The following SLC39A13 variants were observed in gnomAD, a reference collection of about 807,000 sequenced individuals.
SLC39A13 encodes solute carrier family 39 member 13.
Under a neutral mutation model 38.7 loss-of-function variants are expected in SLC39A13, and 18 were observed. The observed-to-expected ratio is 0.47, with a 90% confidence interval of 0.32 to 0.69. SLC39A13 has a LOEUF of 0.69. SLC39A13 is among the 30% of genes least tolerant of loss of function. SLC39A13 has a pLI of 0.03. For synonymous variants in SLC39A13, 212 were observed against 219.1 expected, an observed-to-expected ratio of 0.97 and a Z score of 0.29; for missense variants, 395 against 490.7, an observed-to-expected ratio of 0.80 and a Z score of 1.84.
chr11:47,411,815 CCCATATCCAG>C (rs1448414511), intron 2 of SLC39A13, 101 bp from the exon 3 acceptor site: 3 of 1,047,310 alleles, frequency 2.9e-6, no homozygotes, highest in South Asian at 1.4e-5. Context: ...AGAGCAGCCA[CCCATATCCAG>C]CCTTGCAGGC....
upstream of SLC39A13, chr11:47,408,478 C>T (rs917940149): frequency 1.3e-5 from 2 of 151,258 alleles, no homozygotes; most frequent in African/African-American, 2.4e-5. Flanking sequence ...GCCACTCCCC[C>T]CGACCCCGCG....
intron 1 of SLC39A13, 185 bp from the exon 2 acceptor site, chr11:47,409,902 G>T: frequency 1.5e-6 from 1 of 648,650 alleles, no homozygotes; most frequent in Non-Finnish European, 2.7e-6. Flanking sequence ...GTGCTCAGGA[G>T]TAGGGTGTGG....
upstream of SLC39A13, chr11:47,408,558 G>A (rs1478709875): frequency 2.7e-5 from 4 of 145,784 alleles, no homozygotes; most frequent in Non-Finnish European, 6.1e-5. Flanking sequence ...GCCCCGGGCC[G>A]GGGGCCGGGC....
rs568529293 is a variant in SLC39A13 at position 47,413,694 on chromosome 11, G to A, written c.735+8G>A. Reference sequence around the variant, plus strand: ...TTCCTTGTGAGCAAGAAGGTGAGGGGCTTGGGGCCAGTGGGGCTCTGGCGA... The same window carrying A: ...TTCCTTGTGAGCAAGAAGGTGAGGGACTTGGGGCCAGTGGGGCTCTGGCGA... On this transcript the variant is annotated splice_region_variant and intron_variant, in intron 6 of 9. Transcript: ENST00000362021. 8.1e-6 allele frequency: 13 copies of A among 1,613,568 alleles called. No homozygotes were observed. In the African/African-American group the frequency reaches 1.7e-4, roughly 22 times the overall value.
rs372236399 is a variant in SLC39A13 at position 47,413,465 on chromosome 11, G to A, written c.603G>A (p.Pro201=). 6.8e-6 allele frequency: 11 copies of A among 1,613,946 alleles called. No individual in the cohort carries two copies. The highest frequency in any genetic ancestry group is 1.1e-5 in the South Asian group (1 of 91,082). ...ALNGGHCLAQ[P]AAEPGLGAVV... is the part of the protein sequence containing the mutation. ...ATGGAGGCCACTGTCTGGCCCAGCCGGCTGCAGAGCCCGGCCTCGGTGCCG... is the reference window on the plus strand; with the variant it reads ...ATGGAGGCCACTGTCTGGCCCAGCCAGCTGCAGAGCCCGGCCTCGGTGCCG... Residue 201 remains proline, a synonymous_variant, in exon 5 of 10, where the codon CCG becomes CCA. Transcript: ENST00000362021.
chr11:47,410,432 G>T lies in SLC39A13; in HGVS notation c.301+37G>T, dbSNP rs763716316. The T allele has an allele frequency of 5.0e-6, 8 of 1,610,898 alleles. No individual in the cohort carries two copies. In the Admixed American group the frequency reaches 1.3e-4, roughly 27 times the overall value. ...TCCGGTGGCGCCCAGGGCTGGCCAG[G>T]GTGTGGGAAGCATGCTGCTGCTCTT... On this transcript the variant is annotated intron_variant, in intron 2 of 9. Transcript: ENST00000362021.
At position 47,416,161 on chromosome 11, in the gene SLC39A13, A is replaced by C. The variant is rs1253428710; in HGVS notation, c.*798A>C. On this transcript the variant is annotated 3_prime_UTR_variant, in exon 10 of 10. Coordinates refer to ENST00000362021, the MANE Select transcript of SLC39A13 (RefSeq NM_001128225.3). ...GGCCAGGGACTCCTGGAGCAGGCAC[A>C]TAGTGAGCCCGGGCAGCCCTGCCCA... 6.5e-6 allele frequency: 1 copy of C among 153,332 alleles called. No individual in the cohort carries two copies. Among genetic ancestry groups the C allele is most frequent in the Admixed American group, 6.5e-5 (1 of 15,348 alleles). The allele number at this position is 153,332 out of a possible 1,614,324, so 9.5% of individuals were successfully genotyped here.
intron 1 of SLC39A13, 180 bp from the exon 2 acceptor site, chr11:47,409,907 G>A: frequency 1.5e-6 from 1 of 662,914 alleles, no homozygotes; most frequent in East Asian, 2.6e-5. Flanking sequence ...CAGGAGTAGG[G>A]TGTGGAGACA....
At position 47,416,052 on chromosome 11, in the gene SLC39A13, C is replaced by G. The variant is rs1337818996; in HGVS notation, c.*689C>G. ...AGCAGCTCTTGCCACCTCCAGCTGC[C>G]AAACAGCAGCCTGCCGGGCAGGGAG... On this transcript the variant is annotated 3_prime_UTR_variant, in exon 10 of 10. Transcript: ENST00000362021. 1 of 155,446 alleles carries G rather than the reference C, an allele frequency of 6.4e-6. No individual in the cohort carries two copies. The highest frequency in any genetic ancestry group is 1.9e-4 in the East Asian group (1 of 5,240). The allele number at this position is 155,446 out of a possible 1,614,324, so 9.6% of individuals were successfully genotyped here.
At chr11:47,413,065 A>C (rs2096007871) in intron 4 of SLC39A13, among the ~76,000 whole-genome samples, 1 of 151,920 alleles carries the variant, frequency 6.6e-6, no homozygotes, top group Non-Finnish European at 1.5e-5. Context: ...TCTGTCACCC[A>C]GGCTGGAGTG....
rs1291377563 is a variant in SLC39A13 at position 47,410,364 on chromosome 11, C to T, written c.270C>T (p.Pro90=). ...GGGTCTTCCCGTTGCTTGTCATTCCCCTAGAGATGGGGACCATGCTGCGCT... is the reference window on the plus strand; with the variant it reads ...GGGTCTTCCCGTTGCTTGTCATTCCTCTAGAGATGGGGACCATGCTGCGCT... The part of the protein sequence containing the change: ...LSGVFPLLVI[P]LEMGTMLRSE... Residue 90 remains proline, a synonymous_variant, in exon 2 of 10, where the codon CCC becomes CCT. Transcript: ENST00000362021. 6.2e-7 allele frequency: 1 copy of T among 1,614,082 alleles called. No individual in the cohort carries two copies. Among genetic ancestry groups the T allele is most frequent in the South Asian group, 1.1e-5 (1 of 91,082 alleles).
intron 8 of SLC39A13, 26 bp downstream of exon 8, chr11:47,414,935 C>T (rs745779312): frequency 4.9e-5 from 79 of 1,603,558 alleles, no homozygotes; most frequent in East Asian, 2.5e-4. Flanking sequence ...GTGGTTGTGG[C>T]GGGTGGCATC....
At chr11:47,412,149 G>A in intron 3 of SLC39A13, 110 bp downstream of exon 3, 1 of 1,341,106 alleles carries the variant, frequency 7.5e-7, no homozygotes, top group Non-Finnish European at 1.0e-6. Context: ...TTTCTGGCAG[G>A]AGCTTGCCTG....
At chr11:47,412,209 G>C (rs1197503296) in intron 3 of SLC39A13, 137 bp from the exon 4 acceptor site, 1 of 1,331,564 alleles carries the variant, frequency 7.5e-7, no homozygotes, top group African/African-American at 1.5e-5. Flanking sequence ...GTCCCAGTGG[G>C]AGTTCTGGGC....
chr11:47,409,529 G>T (rs181824400), intron 1 of SLC39A13: 2 of 163,114 alleles, frequency 1.2e-5, no homozygotes, highest in South Asian at 1.6e-4. Flanking sequence ...ACAAGAGAGA[G>T]GCATCCCCTG....
At chr11:47,414,160 T>C in intron 6 of SLC39A13, 1 of 608,848 alleles carries the variant, frequency 1.6e-6, no homozygotes, top group South Asian at 2.0e-5. Context: ...ATTTGGTTCC[T>C]GGGCCTGCTC....
chr11:47,411,908 C>G lies in SLC39A13; in HGVS notation c.302-18C>G. On this transcript the variant is annotated intron_variant, in intron 2 of 9. Coordinates refer to ENST00000362021, the MANE Select transcript of SLC39A13 (RefSeq NM_001128225.3). The stretch of plus-strand genomic sequence containing the variant: ...CTCCAGCCAGTCAGCCCCCAGACCC[C>G]GCATCTCTCCCTTGTAGCTGGGGCC... 1 of 1,608,410 alleles carries G rather than the reference C, an allele frequency of 6.2e-7. No homozygotes were observed. The highest frequency in any genetic ancestry group is 8.5e-7 in the Non-Finnish European group (1 of 1,177,388).
chr11:47,413,847 C>A, intron 6 of SLC39A13, 161 bp downstream of exon 6: 2 of 820,010 alleles, frequency 2.4e-6, no homozygotes, highest in Admixed American at 2.0e-5. Context: ...CGCCACTGTT[C>A]TCTGATCCTG....
chr11:47,407,828 A>T (rs747924985), upstream of SLC39A13, among the ~76,000 whole-genome samples: 2 of 152,224 alleles, frequency 1.3e-5, no homozygotes, highest in Admixed American at 6.5e-5. Context: ...AATTGCGGTT[A>T]TAAGAACTGC....
Sources: gnomAD v4.1 joint callset for allele counts (sites outside exome capture counted in the v4.1 genomes callset) on GRCh38, gnomAD v4.1.1 for gene constraint, MANE v1.5 for transcripts, NCBI Gene and HGNC (gene_info 2026-07-23, HGNC 2026-07-21) for gene names.